Variants in RNF213 observed in about 807,000 individuals in gnomAD.
RNF213 encodes the protein ring finger protein 213.
RNF213 carries 341 observed loss-of-function variants against 514.4 expected under a neutral mutation model. The ratio of observed to expected loss-of-function variants is 0.66; its 90% CI spans 0.61 to 0.73. The LOEUF (loss-of-function observed/expected upper bound fraction) is 0.73, where lower values mean the gene tolerates loss of function less well. RNF213 is among the 30% of genes least tolerant of loss of function. The pLI, the probability that RNF213 is intolerant of heterozygous loss-of-function variation, is 0.00. For missense variants in RNF213, 5,767 were observed against 6,615.6 expected (o/e 0.87, Z 4.45); for synonymous variants, 2,655 against 2,658.2 (o/e 1.00, Z 0.04).
rs1179239655 is a variant in RNF213 at position 80,354,363 on chromosome 17, G to C, written c.10727-78G>C. 3 of 1,607,412 alleles carry C rather than the reference G, an allele frequency of 1.9e-6. No individual in the cohort carries two copies. In the African/African-American group the frequency reaches 4.0e-5, roughly 21 times the overall value. ...CTGGCCAACGGACTTCCCTTCCTGGGGGAGGTGGGACAGAAGCACTCCGGA... is the reference window on the plus strand; with the variant it reads ...CTGGCCAACGGACTTCCCTTCCTGGCGGAGGTGGGACAGAAGCACTCCGGA... On this transcript the variant is annotated intron_variant, in intron 35 of 67. Transcript: ENST00000582970.
chr17:80,289,612 A>C, intron 5 of RNF213, 47 bp from the exon 6 acceptor site: 1 of 1,594,078 alleles, frequency 6.3e-7, no homozygotes, highest in Non-Finnish European at 8.6e-7. Context: ...AAAAAAAGAA[A>C]ATGTGGAGGC....
chr17:80,384,484 C>A lies in RNF213; in HGVS notation c.14323-555C>A, dbSNP rs539187745. On this transcript the variant is annotated intron_variant, in intron 59 of 67. Transcript: ENST00000582970. ...TCTACAACACATTGTCTAAACATTT[C>A]TCTCCATGGACTATTATTTGCTGTC... Among the ~76,000 whole-genome samples, 9 of 152,212 alleles carry A rather than the reference C, an allele frequency of 5.9e-5. No individual in the cohort carries two copies. The South Asian group carries it at 1.4e-3, about 25-fold the overall frequency.
intron 3 of RNF213, among the ~76,000 whole-genome samples, chr17:80,279,272 CAG>C: frequency 6.6e-6 from 1 of 152,304 alleles, no homozygotes; most frequent in East Asian, 1.9e-4. Flanking sequence ...GGCTTCACCA[CAG>C]AGAGCAGCAG....
In RNF213 at chr17:80,376,939, G is replaced by A. The variant is rs770950262; in HGVS notation, c.13486G>A (p.Gly4496Ser). The A allele has an allele frequency of 1.5e-5, 25 of 1,613,880 alleles. No individual in the cohort carries two copies. Among genetic ancestry groups the A allele is most frequent in the Non-Finnish European group, 1.9e-5 (23 of 1,179,978 alleles). Residue 4496 changes from glycine to serine, a missense_variant, in exon 53 of 68, where the codon GGT becomes AGT. Coordinates refer to ENST00000582970, the MANE Select transcript of RNF213 (RefSeq NM_001256071.3). ...GCTGGCTCAAGCTCGGAGGTGGAAGGGTCTGGAGCGAGTCCACTGGTACAG... is the reference window on the plus strand; with the variant it reads ...GCTGGCTCAAGCTCGGAGGTGGAAGAGTCTGGAGCGAGTCCACTGGTACAG... ...DLLAQARRWKGLERVHWYTCP... is the reference protein window; with the variant it reads ...DLLAQARRWKSLERVHWYTCP...
chr17:80,289,116 C>T (rs953139297), intron 5 of RNF213, among the ~76,000 whole-genome samples: 2 of 152,172 alleles, frequency 1.3e-5, no homozygotes, highest in Non-Finnish European at 2.9e-5. Context: ...GGCCTGTTCC[C>T]AGAGCGGCAG....
rs8081918 is a variant in RNF213, at chr17:80,317,085, G to C, written c.2812-103G>C. 1 of 1,275,390 alleles carries C rather than the reference G, an allele frequency of 7.8e-7. No individual in the cohort carries two copies. The allele number at this position is 1,275,390 out of a possible 1,614,324, so 79.0% of individuals were successfully genotyped here. ...AGAGCCCTGGTGTTCGCGGAGTCCCGCGCTCTCTGTATTGCCGTAATGCTC... is the reference window on the plus strand; with the variant it reads ...AGAGCCCTGGTGTTCGCGGAGTCCCCCGCTCTCTGTATTGCCGTAATGCTC... On this transcript the variant is annotated intron_variant, in intron 15 of 67. Transcript: ENST00000582970. This position sits in a 1 kb window ranked among gnomAD's most constrained non-coding sequence, Gnocchi z 4.1.
intron 5 of RNF213, 66 bp from the exon 6 acceptor site, chr17:80,289,592 GA>G (rs747519394): frequency 0.086 from 106,264 of 1,229,850 alleles, no homozygotes; most frequent in East Asian, 0.13. Context: ...CTCTGTCTCA[GA>G]AAAAAAAAAA....
chr17:80,309,363 C>T (rs1234758683), intron 14 of RNF213, among the ~76,000 whole-genome samples, 192 bp downstream of exon 14: 1 of 152,120 alleles, frequency 6.6e-6, no homozygotes, highest in African/African-American at 2.4e-5. Flanking sequence ...GTCAGTGGGC[C>T]AGGGTCTGCC....
At position 80,288,413 on chromosome 17, in the gene RNF213, C is replaced by T. The variant is rs2044556377; in HGVS notation, c.810+50C>T. ...TGGGAGTGGCACTGAGCCCTCGGCA[C>T]CTGGGCTCTGCTGCAAGGTGCTGGC... On this transcript the variant is annotated intron_variant, in intron 4 of 67. Transcript: ENST00000582970. This position sits in a 1 kb window ranked among gnomAD's most constrained non-coding sequence, Gnocchi z 4.9. 6.2e-7 allele frequency: 1 copy of T among 1,606,942 alleles called. No homozygotes were observed.
At chr17:80,360,394 T>A (rs974921207) in intron 38 of RNF213, 188 bp downstream of exon 38, 3 of 689,578 alleles carry the variant, frequency 4.4e-6, no homozygotes, top group Non-Finnish European at 7.6e-6. Context: ...GCTGAAGGAG[T>A]GAGAGGCCCC....
intron 44 of RNF213, among the ~76,000 whole-genome samples, chr17:80,368,579 T>C (rs76220116): frequency 1.3e-5 from 2 of 152,074 alleles, no homozygotes; most frequent in Non-Finnish European, 2.9e-5. Flanking sequence ...ATTACAGGCA[T>C]GCACCACCAT....
chr17:80,269,583 C>T (rs2043744207), intron 2 of RNF213, among the ~76,000 whole-genome samples: 1 of 151,520 alleles, frequency 6.6e-6, no homozygotes, highest in African/African-American at 2.4e-5. Flanking sequence ...TCTATACTAT[C>T]TATCCGTCCA....
In RNF213 at chr17:80,349,740, G is replaced by A. The variant is rs763673497; in HGVS notation, c.9952-30G>A. 1.8e-5 allele frequency: 29 copies of A among 1,613,020 alleles called. No homozygotes were observed. In the East Asian group the frequency reaches 5.6e-4, roughly 31 times the overall value. ...ACTTGCAACCTTTCCTTGAAGTCTGGCAAGTAATTTGCATTTCTTAACTCT... is the reference window on the plus strand; with the variant it reads ...ACTTGCAACCTTTCCTTGAAGTCTGACAAGTAATTTGCATTTCTTAACTCT... On this transcript the variant is annotated intron_variant, in intron 29 of 67. Coordinates refer to ENST00000582970, the MANE Select transcript of RNF213 (RefSeq NM_001256071.3).
intron 2 of RNF213, among the ~76,000 whole-genome samples, chr17:80,269,455 T>TCCA (rs1298363697): frequency 6.8e-6 from 1 of 147,086 alleles, no homozygotes; most frequent in Non-Finnish European, 1.5e-5. Context: ...CATCCATCTA[T>TCCA]TCATCCATCC....
intron 47 of RNF213, 34 bp downstream of exon 47, chr17:80,372,019 G>A: frequency 9.0e-7 from 1 of 1,115,238 alleles, no homozygotes; most frequent in South Asian, 1.2e-5. Context: ...AATTTCTTTT[G>A]GAAACTATCT....
rs2046334209 is a variant in RNF213 at position 80,328,440 on chromosome 17, C to G, written c.3480C>G (p.Leu1160=). 1.3e-6 allele frequency: 2 copies of G among 1,537,152 alleles called. No homozygotes were observed. Among genetic ancestry groups the G allele is most frequent in the African/African-American group, 2.7e-5 (2 of 73,088 alleles). The stretch of plus-strand genomic sequence containing the variant: ...AAGAGAAAAGATGTGTTGATAGTCT[C>G]CTGAAGATGTGTGGGAACGTGAAAC... ...LKKEKRCVDS[L]LKMCGNVKHL... The change falls in exon 20 of 68, where the codon CTC becomes CTG. Residue 1160 remains leucine, a synonymous_variant. Coordinates refer to ENST00000582970, the MANE Select transcript of RNF213 (RefSeq NM_001256071.3).
In RNF213 at chr17:80,288,305, C is replaced by A; in HGVS notation, c.752C>A (p.Ser251Tyr). The A allele has an allele frequency of 6.2e-7, 1 of 1,613,078 alleles. No individual in the cohort carries two copies. Among genetic ancestry groups the A allele is most frequent in the South Asian group, 1.1e-5 (1 of 91,086 alleles). Residue 251 changes from serine to tyrosine, a missense_variant, in exon 4 of 68, where the codon TCT (serine) becomes TAT (tyrosine). Coordinates refer to ENST00000582970, the MANE Select transcript of RNF213 (RefSeq NM_001256071.3). This position sits in a 1 kb window ranked among gnomAD's most constrained non-coding sequence, Gnocchi z 4.9. ...TTGCCTGAGTCAAAAGGAGGCAGCT[C>A]TGAGCCCGGGACAGAACTGCAGACC... ...LLLPESKGGS[S>Y]EPGTELQTTE...
intron 9 of RNF213, among the ~76,000 whole-genome samples, 171 bp from the exon 10 acceptor site, chr17:80,295,386 C>T (rs2044897148): frequency 6.6e-6 from 1 of 152,194 alleles, no homozygotes; most frequent in Non-Finnish European, 1.5e-5. Context: ...CCTGCCTGAG[C>T]CCTCATGCCA....
chr17:80,300,071 A>G (rs1446817323), intron 11 of RNF213, among the ~76,000 whole-genome samples: 2 of 152,150 alleles, frequency 1.3e-5, no homozygotes, highest in Non-Finnish European at 2.9e-5. Context: ...TGTTTTTGGT[A>G]TATACCCAGT....
Sources: allele counts gnomAD v4.1 joint callset (sites outside exome capture counted in the v4.1 genomes callset), GRCh38; gene constraint gnomAD v4.1.1; non-coding constraint Gnocchi (gnomAD v3.1); transcripts MANE v1.5; gene names NCBI Gene and HGNC (gene_info 2026-07-23, HGNC 2026-07-21).